RIN2: variants seen among roughly 807,000 people sequenced by gnomAD.
RIN2 encodes the protein Ras and Rab interactor 2.
RIN2 carries 36 observed loss-of-function variants against 78.0 expected under a neutral mutation model. That is an observed-to-expected ratio of 0.46 (90% CI 0.35 to 0.61). The LOEUF is 0.61. Ranked by LOEUF, RIN2 falls within the 20% of genes least tolerant of loss-of-function variation. The probability of loss-of-function intolerance (pLI) is 0.00; values close to 1 mark genes in which losing one functional copy is unlikely to be tolerated. For synonymous variants in RIN2, 466 were observed against 466.8 expected (o/e 1.00, Z 0.02); for missense variants, 1,087 against 1,159.7 (o/e 0.94, Z 0.91).
At position 19,833,947 on chromosome 20, in the gene RIN2, G is replaced by A. The variant is rs551045861; in HGVS notation, c.-37+34200G>A. ...CCCCTGCCCCCTCCTGCTTGTCCCCGTCCCCTTCTCCTGAGAGCTTTCCTC... is the reference window on the plus strand; with the variant it reads ...CCCCTGCCCCCTCCTGCTTGTCCCCATCCCCTTCTCCTGAGAGCTTTCCTC... On this transcript the variant is annotated intron_variant, in intron 2 of 12. Transcript: ENST00000255006. 8.5e-5 allele frequency among the ~76,000 whole-genome samples: 13 copies of A among 152,052 alleles called. No individual in the cohort carries two copies. In the South Asian group the frequency reaches 1.5e-3, roughly 17 times the overall value.
chr20:19,990,336 T>C, intron 10 of RIN2, 25 bp downstream of exon 10: 1 of 1,586,922 alleles, frequency 6.3e-7, no homozygotes, highest in Non-Finnish European at 8.6e-7. Flanking sequence ...AGCCCAGGCT[T>C]CGTGCCGCTT....
intron 9 of RIN2, among the ~76,000 whole-genome samples, chr20:19,978,759 C>T (rs1454694333): frequency 6.6e-6 from 1 of 152,182 alleles, no homozygotes; most frequent in Non-Finnish European, 1.5e-5. Context: ...CTATTCATTC[C>T]AGGCCACATA....
intron 2 of RIN2, among the ~76,000 whole-genome samples, chr20:19,855,758 G>T (rs1267907529): frequency 6.6e-6 from 1 of 152,022 alleles, no homozygotes; most frequent in Non-Finnish European, 1.5e-5. Context: ...GGAGGCTTGG[G>T]GGAAAAAAAT....
At position 19,907,004 on chromosome 20, in the gene RIN2, T is replaced by A. The variant is rs75261276; in HGVS notation, c.57+17346T>A. 9.4e-4 allele frequency among the ~76,000 whole-genome samples: 143 copies of A among 152,288 alleles called. 1 individual carries two copies. The East Asian group carries it at 0.02, about 21-fold the overall frequency. On this transcript the variant is annotated intron_variant, in intron 3 of 12. Coordinates refer to ENST00000255006, the MANE Select transcript of RIN2 (RefSeq NM_018993.4). The stretch of plus-strand genomic sequence containing the variant: ...ATTTATATGCTACAACTCTGGAGGC[T>A]GGGAAGTCCCAAGGTTGAGGGGACT...
chr20:19,879,649 A>G (rs981177667), intron 2 of RIN2, among the ~76,000 whole-genome samples: 1 of 152,196 alleles, frequency 6.6e-6, no homozygotes, highest in African/African-American at 2.4e-5. Context: ...ACTGGTCGAT[A>G]TATTTCACTG....
chr20:19,951,628 T>C (rs1054492935), intron 4 of RIN2, among the ~76,000 whole-genome samples: 4 of 141,564 alleles, frequency 2.8e-5, no homozygotes, highest in Non-Finnish European at 5.9e-5. Flanking sequence ...TTCCTAAGTC[T>C]TTTGCCTTCT....
intron 3 of RIN2, among the ~76,000 whole-genome samples, chr20:19,898,817 CAAAT>C (rs1458399017): frequency 6.6e-6 from 1 of 152,074 alleles, no homozygotes; most frequent in African/African-American, 2.4e-5. Flanking sequence ...AGGACAAACT[CAAAT>C]AAACAAAAAG....
chr20:19,960,759 C>A lies in RIN2; in HGVS notation c.411C>A (p.Pro137=). ...MQKKVLSLRL[P]CEFGAPLKEF... is the part of the protein sequence containing the mutation. ...AGAAAGTCCTCTCCCTCCGCCTGCC[C>A]TGTGAATTTGGGGCCCCACTCAAGG... The change falls in exon 6 of 13, where the codon CCC becomes CCA. Residue 137 remains proline (P), a synonymous_variant. Coordinates refer to ENST00000255006, the MANE Select transcript of RIN2 (RefSeq NM_018993.4). 6.2e-7 allele frequency: 1 copy of A among 1,605,170 alleles called. No homozygotes were observed. The highest frequency in any genetic ancestry group is 2.2e-5 in the East Asian group (1 of 44,636).
At chr20:19,825,848 G>T (rs997871324) in intron 2 of RIN2, among the ~76,000 whole-genome samples, 2 of 152,134 alleles carry the variant, frequency 1.3e-5, no homozygotes, top group Admixed American at 1.3e-4. Flanking sequence ...ACTCTCATTT[G>T]TGAGCCTGTT....
intron 2 of RIN2, among the ~76,000 whole-genome samples, chr20:19,830,723 T>C (rs999917437): frequency 6.6e-6 from 1 of 152,236 alleles, no homozygotes; most frequent in African/African-American, 2.4e-5. Context: ...AAGGAGGGAC[T>C]TGTTGCCCGG....
rs766158565 is a variant in RIN2 at position 19,970,892 on chromosome 20, G to A, written c.591G>A (p.Ser197=). 31 of 1,613,376 alleles carry A rather than the reference G, an allele frequency of 1.9e-5. No homozygotes were observed. Among genetic ancestry groups the A allele is most frequent in the Admixed American group, 3.3e-5 (2 of 59,950 alleles). The stretch of plus-strand genomic sequence containing the variant: ...CTTATGCCATTTCAACAGCCAAGTC[G>A]GAGGCTCAGCTTGAAGAACTGGCCC... ...KLPYAISTAK[S]EAQLEELAQM... Residue 197 remains serine, a synonymous_variant, in exon 8 of 13, where the codon TCG becomes TCA. Coordinates refer to ENST00000255006, the MANE Select transcript of RIN2 (RefSeq NM_018993.4).
intron 3 of RIN2, among the ~76,000 whole-genome samples, chr20:19,904,912 G>A (rs571782509): frequency 1.4e-4 from 22 of 152,342 alleles, no homozygotes; most frequent in African/African-American, 4.8e-4. Context: ...TTGACATTGA[G>A]TTGCTGTTCT....
At chr20:19,853,313 T>C (rs2037053218) in intron 2 of RIN2, among the ~76,000 whole-genome samples, 1 of 152,118 alleles carries the variant, frequency 6.6e-6, no homozygotes, top group Admixed American at 6.6e-5. Flanking sequence ...TCCAAGTCTT[T>C]GCTATTGTGA....
intron 2 of RIN2, among the ~76,000 whole-genome samples, chr20:19,802,780 C>G (rs1420794372): frequency 6.6e-6 from 1 of 152,152 alleles, no homozygotes; most frequent in Non-Finnish European, 1.5e-5. Context: ...TCATGGTACA[C>G]CAAGGAGTGC....
chr20:19,889,320 C>G, intron 2 of RIN2: 1 of 1,212,568 alleles, frequency 8.2e-7, no homozygotes, highest in Non-Finnish European at 1.0e-6. Flanking sequence ...TTCCTGAAGT[C>G]CCAAGGACCT....
chr20:19,827,656 G>A (rs1307583343), intron 2 of RIN2, among the ~76,000 whole-genome samples: 9 of 152,086 alleles, frequency 5.9e-5, no homozygotes, highest in Non-Finnish European at 1.3e-4. Context: ...GAAGATCCAG[G>A]TACGCCCTTA....
intron 4 of RIN2, among the ~76,000 whole-genome samples, chr20:19,952,807 G>T (rs1418703023): frequency 6.6e-6 from 1 of 152,194 alleles, no homozygotes; most frequent in East Asian, 1.9e-4. Flanking sequence ...TAGTCGCCAA[G>T]AATTCTTTTA....
At chr20:19,854,990 C>T (rs1179207111) in intron 2 of RIN2, among the ~76,000 whole-genome samples, 1 of 152,118 alleles carries the variant, frequency 6.6e-6, no homozygotes. Flanking sequence ...CAGTTTTTGC[C>T]CATTCAGTAT....
chr20:19,944,785 T>G (rs2041020174), intron 4 of RIN2, among the ~76,000 whole-genome samples: 1 of 152,120 alleles, frequency 6.6e-6, no homozygotes, highest in Non-Finnish European at 1.5e-5. Flanking sequence ...ACTCTCCTGC[T>G]TCCAGGACCT....
Sources: allele counts gnomAD v4.1 joint callset (sites outside exome capture counted in the v4.1 genomes callset), GRCh38; gene constraint gnomAD v4.1.1; transcripts MANE v1.5; gene names NCBI Gene and HGNC (gene_info 2026-07-23, HGNC 2026-07-21).